The following MEGF11 variants were observed in gnomAD, a reference collection of about 807,000 sequenced individuals.
MEGF11 encodes multiple epidermal growth factor-like domains protein 11.
MEGF11 carries 126 observed loss-of-function variants against 146.6 expected under a neutral mutation model. The ratio of observed to expected loss-of-function variants is 0.86; its 90% CI spans 0.74 to 1.00. MEGF11 has a LOEUF of 1.00. Among genes scored for constraint, MEGF11 ranks in the 50% least tolerant of loss-of-function variants. The pLI is 0.00. For synonymous variants in MEGF11, 532 were observed against 583.4 expected, an observed-to-expected ratio of 0.91 and a Z score of 1.27; for missense variants, 1,509 against 1,521.2, an observed-to-expected ratio of 0.99 and a Z score of 0.13.
At chr15:66,215,662 T>C (rs1008022184) in intron 1 of MEGF11, among the ~76,000 whole-genome samples, 2 of 152,002 alleles carry the variant, frequency 1.3e-5, no homozygotes, top group African/African-American at 4.8e-5. Flanking sequence ...AAGATTGAAA[T>C]GGGGAACAGG....
At chr15:66,179,367 A>T (rs2090478866) in intron 1 of MEGF11, among the ~76,000 whole-genome samples, 1 of 152,170 alleles carries the variant, frequency 6.6e-6, no homozygotes, top group Admixed American at 6.5e-5. Context: ...TCCTGACTTC[A>T]GGTGATCCAC....
At chr15:66,169,518 T>A (rs1313551567) in intron 1 of MEGF11, among the ~76,000 whole-genome samples, 1 of 152,278 alleles carries the variant, frequency 6.6e-6, no homozygotes, top group East Asian at 1.9e-4. Context: ...TTATTCCCAA[T>A]TAACCTGCGG....
intron 5 of MEGF11, among the ~76,000 whole-genome samples, chr15:66,072,822 G>A (rs1179462676): frequency 6.6e-6 from 1 of 152,198 alleles, no homozygotes; most frequent in East Asian, 1.9e-4. Flanking sequence ...GCTCGCTCCA[G>A]CAGTGGCACT....
At position 66,209,167 on chromosome 15, in the gene MEGF11, G is replaced by A. The variant is rs59707715; in HGVS notation, c.-9+44438C>T. ...AGATCGAGACCATCCTGGCTAACAC[G>A]GTGAAACCCCATCGCTACTAAAAAT... On this transcript the variant is annotated intron_variant, in intron 1 of 25. Coordinates refer to ENST00000395614, the MANE Select transcript of MEGF11 (RefSeq NM_001385028.1). Among the ~76,000 whole-genome samples the A allele has an allele frequency of 1.1e-4, 16 of 151,934 alleles. No homozygotes were observed. In the East Asian group the frequency reaches 2.9e-3, roughly 28 times the overall value.
intron 10 of MEGF11, among the ~76,000 whole-genome samples, chr15:65,946,372 A>G (rs1052977102): frequency 9.2e-5 from 14 of 152,174 alleles, no homozygotes; most frequent in African/African-American, 3.4e-4. Context: ...CCACTCTGCC[A>G]AGCAGCCTCC....
chr15:66,248,319 T>A (rs116677111), intron 1 of MEGF11, among the ~76,000 whole-genome samples: 1,697 of 152,328 alleles, frequency 0.011, 26 homozygotes, highest in African/African-American at 0.038. Flanking sequence ...AGATACTAAA[T>A]TCCTTATTGT....
intron 10 of MEGF11, among the ~76,000 whole-genome samples, chr15:65,936,129 C>T (rs1176918092): frequency 6.6e-6 from 1 of 152,168 alleles, no homozygotes; most frequent in African/African-American, 2.4e-5. Context: ...TCAGTGTATA[C>T]ATCTGTGTGT....
chr15:66,197,841 C>A (rs999549988), intron 1 of MEGF11, among the ~76,000 whole-genome samples: 3 of 152,214 alleles, frequency 2.0e-5, no homozygotes, highest in African/African-American at 7.2e-5. Context: ...ATAAGGACCT[C>A]TTTAACGAAT....
intron 1 of MEGF11, among the ~76,000 whole-genome samples, chr15:66,142,759 C>G (rs1167351578): frequency 2.0e-5 from 3 of 152,180 alleles, no homozygotes; most frequent in Non-Finnish European, 4.4e-5. Flanking sequence ...TGTGTGACCC[C>G]AAATGAGTCA....
chr15:66,219,720 G>C (rs547869008), intron 1 of MEGF11, among the ~76,000 whole-genome samples: 3 of 145,702 alleles, frequency 2.1e-5, no homozygotes, highest in African/African-American at 5.0e-5. Context: ...AAAAAAAAAC[G>C]TATCTACCAT....
chr15:65,913,900 C>T lies in MEGF11; in HGVS notation c.2547G>A (p.Val849=). 6.2e-7 allele frequency: 1 copy of T among 1,614,034 alleles called. No individual in the cohort carries two copies. Among genetic ancestry groups the T allele is most frequent in the East Asian group, 2.2e-5 (1 of 44,886 alleles). ...SPALGAERHS[V]GAVTGIMLLL... ...GGAGCATGATGCCTGTGACAGCACC[C>T]ACCGAGTGCCGCTCTGCACCCAGTG... Residue 849 remains valine, a synonymous_variant, in exon 20 of 26, where the codon GTG becomes GTA. Transcript: ENST00000395614.
intron 1 of MEGF11, among the ~76,000 whole-genome samples, chr15:66,220,875 T>C (rs1435750332): frequency 6.6e-6 from 1 of 152,134 alleles, no homozygotes; most frequent in Non-Finnish European, 1.5e-5. Context: ...CAGTTCTGAT[T>C]GTGGTCGTGG....
intron 7 of MEGF11, among the ~76,000 whole-genome samples, chr15:65,980,474 G>A (rs1447773020): frequency 1.5e-5 from 2 of 134,642 alleles, no homozygotes; most frequent in East Asian, 4.4e-4. Flanking sequence ...ATTGATCTTG[G>A]CTGTGACCTC....
intron 1 of MEGF11, among the ~76,000 whole-genome samples, chr15:66,138,277 C>T (rs993618399): frequency 6.6e-6 from 1 of 152,152 alleles, no homozygotes; most frequent in Non-Finnish European, 1.5e-5. Flanking sequence ...GGGAGCCTCC[C>T]AGCCAGCCCT....
rs1260727349 is a variant in MEGF11, at chr15:65,982,443, T to TGGCACC, written c.434_439dup (p.Arg145_Cys146dup). ...GTTACACAGGGCGCCGTTCTGGCAC[T>TGGCACC]GGCACCGGTTGCTGCAGTGGGGCCC... On this transcript the variant is annotated inframe_insertion, in exon 6 of 26. Coordinates refer to ENST00000395614, the MANE Select transcript of MEGF11 (RefSeq NM_001385028.1). This position sits in a 1 kb window ranked among gnomAD's most constrained non-coding sequence, Gnocchi z 5.6. 6.7e-7 allele frequency: 1 copy of TGGCACC among 1,492,416 alleles called. No homozygotes were observed. Among genetic ancestry groups the TGGCACC allele is most frequent in the Non-Finnish European group, 8.9e-7 (1 of 1,119,196 alleles). The allele number at this position is 1,492,416 out of a possible 1,614,324, so 92.4% of individuals were successfully genotyped here. A position where few individuals can be genotyped will look rare whatever the true frequency, so the allele number is the denominator to read the frequency against.
intron 1 of MEGF11, among the ~76,000 whole-genome samples, chr15:66,189,517 T>C (rs570670809): frequency 2.0e-5 from 3 of 152,150 alleles, no homozygotes; most frequent in Non-Finnish European, 4.4e-5. Context: ...AACCCAGGCC[T>C]GGAGCCCTGC....
intron 5 of MEGF11, among the ~76,000 whole-genome samples, chr15:66,005,466 T>C (rs750446230): frequency 4.6e-5 from 7 of 152,210 alleles, no homozygotes; most frequent in Non-Finnish European, 8.8e-5. Flanking sequence ...GGCAATACTC[T>C]TATGATTCGT....
At chr15:66,229,680 G>C (rs2091926252) in intron 1 of MEGF11, among the ~76,000 whole-genome samples, 1 of 152,150 alleles carries the variant, frequency 6.6e-6, no homozygotes, top group African/African-American at 2.4e-5. Flanking sequence ...TCTGCTCTGG[G>C]GAAGGAAGAG....
intron 5 of MEGF11, among the ~76,000 whole-genome samples, chr15:65,990,708 G>A (rs6494541): frequency 0.38 from 38,309 of 100,076 alleles, 5,289 homozygotes; most frequent in East Asian, 0.67. Context: ...AGAAAGAAAG[G>A]AAGGAAGAAA....
Sources: gnomAD v4.1 joint callset for allele counts (sites outside exome capture counted in the v4.1 genomes callset) on GRCh38, gnomAD v4.1.1 for gene constraint, Gnocchi (gnomAD v3.1) non-coding constraint, MANE v1.5 for transcripts, NCBI Gene and HGNC (gene_info 2026-07-23, HGNC 2026-07-21) for gene names.